MYO7B: variants seen among roughly 807,000 people sequenced by gnomAD.
MYO7B encodes unconventional myosin-VIIb.
In MYO7B, 212 loss-of-function variants were observed where a neutral mutation model predicts 259.7. The ratio of observed to expected loss-of-function variants is 0.82; its 90% confidence interval spans 0.73 to 0.91. MYO7B has a LOEUF of 0.91. Ranked by LOEUF, MYO7B falls within the 40% of genes least tolerant of loss-of-function variation. The pLI is 0.00. For missense variants in MYO7B, 2,732 were observed against 2,813.5 expected (o/e 0.97, Z 0.66); for synonymous variants, 1,197 against 1,166.4 (o/e 1.03, Z -0.54).
Position 127,637,056 on chromosome 2 carries a change from C to T in MYO7B, c.6327+143C>T, listed in dbSNP as rs1193206368. 2.9e-6 allele frequency: 4 copies of T among 1,391,166 alleles called. No individual in the cohort carries two copies. In the South Asian group the frequency reaches 3.7e-5, roughly 13 times the overall value. The allele number at this position is 1,391,166 out of a possible 1,614,324, so 86.2% of individuals were successfully genotyped here. A position where few individuals can be genotyped will look rare whatever the true frequency, so the allele number is the denominator to read the frequency against. On this transcript the variant is annotated intron_variant, in intron 47 of 47. Transcript: ENST00000409816. ...GCGGGGCCAGCAGATCTGGAGAGGG[C>T]CTGGGTGCATCCCCAGGACCAGCAG...
At position 127,580,789 on chromosome 2, in the gene MYO7B, GC is replaced by G; in HGVS notation, c.1050del (p.Ala351ProfsTer5). On this transcript the variant is annotated frameshift_variant, in exon 10 of 48. Coordinates refer to ENST00000409816, the MANE Select transcript of MYO7B (RefSeq NM_001393586.1). LOFTEE classifies it high-confidence loss of function. ...NLDASDVMETPAFPTVMKLLE... is the reference protein window; with the variant it reads ...NLDASDVMETXAFPTVMKLLE... ...TGGACGCCTCAGACGTGATGGAGAC[GC>G]CCGCCTTTCCCACCGTGATGAAGTT... 1 of 1,613,410 alleles carries G rather than the reference GC, an allele frequency of 6.2e-7. No homozygotes were observed. The highest frequency in any genetic ancestry group is 8.5e-7 in the Non-Finnish European group (1 of 1,179,708).
Position 127,635,187 on chromosome 2 carries a change from G to A in MYO7B, c.5781G>A (p.Gly1927=), listed in dbSNP as rs1681734373. 2 of 1,613,566 alleles carry A rather than the reference G, an allele frequency of 1.2e-6. No individual in the cohort carries two copies. The highest frequency in any genetic ancestry group is 1.1e-5 in the South Asian group (1 of 91,064). The change falls in exon 43 of 48, where the codon GGG becomes GGA. Residue 1927 remains glycine, a synonymous_variant. Transcript: ENST00000409816. ...MRKLWLNISP[G]KDVNADTILH... is the part of the protein sequence containing the mutation. ...AATTGTGGCTCAACATATCTCCAGGGAAGGATGTGAATGCAGACACCATAC... is the reference window on the plus strand; with the variant it reads ...AATTGTGGCTCAACATATCTCCAGGAAAGGATGTGAATGCAGACACCATAC...
At chr2:127,612,790 A>T (rs1037703549) in intron 26 of MYO7B, among the ~76,000 whole-genome samples, 187 bp downstream of exon 26, 1 of 152,270 alleles carries the variant, frequency 6.6e-6, no homozygotes, top group Non-Finnish European at 1.5e-5. Context: ...CTTTTAAAAA[A>T]GCCATGAGTA....
In MYO7B at chr2:127,569,834, G is replaced by A. The variant is rs1407219075; in HGVS notation, c.516G>A (p.Leu172=). Residue 172 remains leucine (L), a synonymous_variant, in exon 6 of 48, where the codon CTG becomes CTA. Coordinates refer to ENST00000409816, the MANE Select transcript of MYO7B (RefSeq NM_001393586.1). ...AGACGGAGACCACCAAGCTCATCCTGCAGTTCCTGGCCACCATCAGTGGCC... is the reference window on the plus strand; with the variant it reads ...AGACGGAGACCACCAAGCTCATCCTACAGTTCCTGGCCACCATCAGTGGCC... ...AGKTETTKLI[L]QFLATISGQH... 2 of 1,613,384 alleles carry A rather than the reference G, an allele frequency of 1.2e-6. No homozygotes were observed.
intron 5 of MYO7B, among the ~76,000 whole-genome samples, chr2:127,567,266 G>C (rs1215613962): frequency 6.6e-6 from 1 of 152,106 alleles, no homozygotes; most frequent in Admixed American, 6.5e-5. Flanking sequence ...AAAAGATATG[G>C]GACCCAGGTT....
intron 18 of MYO7B, among the ~76,000 whole-genome samples, chr2:127,595,419 G>C (rs555690804): frequency 2.0e-5 from 3 of 151,950 alleles, no homozygotes; most frequent in East Asian, 1.9e-4. Flanking sequence ...CAAAAAATCA[G>C]CTCCTGGATT....
rs776812959 is a variant in MYO7B, at chr2:127,546,794, A to C, written c.-24+10963A>C. 6.6e-6 allele frequency among the ~76,000 whole-genome samples: 1 copy of C among 151,680 alleles called. No homozygotes were observed. On this transcript the variant is annotated intron_variant, in intron 1 of 47. Coordinates refer to ENST00000409816, the MANE Select transcript of MYO7B (RefSeq NM_001393586.1). The surrounding 1 kb of genome is among the most constrained non-coding windows in gnomAD (Gnocchi z 4.2). ...CATCCATCCATCCATCCATCCATCC[A>C]TCCATCCATCAATCCATTCATCTGT...
chr2:127,536,190 G>A (rs1326917471), intron 1 of MYO7B, among the ~76,000 whole-genome samples: 3 of 152,176 alleles, frequency 2.0e-5, no homozygotes, highest in South Asian at 2.1e-4. Context: ...GGACATCATG[G>A]ATAGCCTGGG....
Position 127,607,202 on chromosome 2 carries a change from G to C in MYO7B, c.2425-4G>C. ...CTGATCTCACCTCTCTCTTGCCTCC[G>C]CAGATCCTCGTGGGCTTTGAGCGCC... On this transcript the variant is annotated splice_polypyrimidine_tract_variant and splice_region_variant and intron_variant, in intron 20 of 47. Transcript: ENST00000409816. This position sits in a 1 kb window ranked among gnomAD's most constrained non-coding sequence, Gnocchi z 4.4. 2 of 1,546,126 alleles carry C rather than the reference G, an allele frequency of 1.3e-6. No individual in the cohort carries two copies. Among genetic ancestry groups the C allele is most frequent in the Non-Finnish European group, 1.7e-6 (2 of 1,144,686 alleles).
rs1372295785 is a variant in MYO7B, at chr2:127,537,706, AGGG to A, written c.-24+1878_-24+1880del. Among the ~76,000 whole-genome samples the A allele has an allele frequency of 5.7e-3, 867 of 151,334 alleles. 9 individuals carry two copies. The highest frequency in any genetic ancestry group is 0.019 in the African/African-American group (777 of 41,278). On this transcript the variant is annotated intron_variant, in intron 1 of 47. Transcript: ENST00000409816. ...GAGGAAGAAGAAGAGGAGGAGGAGG[AGGG>A]GGAGGAGAAGGAGAAGGAGGAGGAG...
chr2:127,624,308 C>T lies in MYO7B; in HGVS notation c.4035C>T (p.Tyr1345=), dbSNP rs1680998427. ...TCCGAGGAGTCTGGTCTGGCGAGTACAGCTTCGAGAAGGTGAGGGGCCTGA... is the reference window on the plus strand; with the variant it reads ...TCCGAGGAGTCTGGTCTGGCGAGTATAGCTTCGAGAAGGTGAGGGGCCTGA... ...QVLRGVWSGE[Y]SFEKEEELVE... Residue 1345 remains tyrosine, a synonymous_variant, in exon 30 of 48, where the codon TAC becomes TAT. Transcript: ENST00000409816. 2 of 1,576,064 alleles carry T rather than the reference C, an allele frequency of 1.3e-6. No individual in the cohort carries two copies. Among genetic ancestry groups the T allele is most frequent in the African/African-American group, 1.4e-5 (1 of 73,964 alleles).
In MYO7B at chr2:127,596,515, G is replaced by A. The variant is rs770549677; in HGVS notation, c.2298G>A (p.Ala766=). The A allele has an allele frequency of 4.5e-5, 73 of 1,613,540 alleles. No homozygotes were observed. The highest frequency in any genetic ancestry group is 5.5e-5 in the South Asian group (5 of 90,954). Residue 766 remains alanine (A), a synonymous_variant, in exon 19 of 48, where the codon GCG becomes GCA. Coordinates refer to ENST00000409816, the MANE Select transcript of MYO7B (RefSeq NM_001393586.1). ...EVQRSQVLDR[A]ALSIQKVLRG... ...AGAGAAGCCAGGTGCTAGACAGAGC[G>A]GCGCTCAGCATCCAGAAAGTCCTTC...
At position 127,636,145 on chromosome 2, in the gene MYO7B, C is replaced by T; in HGVS notation, c.6007-63C>T. 1 of 1,382,550 alleles carries T rather than the reference C, an allele frequency of 7.2e-7. No individual in the cohort carries two copies. The highest frequency in any genetic ancestry group is 1.0e-6 in the Non-Finnish European group (1 of 982,452). The allele number at this position is 1,382,550 out of a possible 1,614,324, so 85.6% of individuals were successfully genotyped here. On this transcript the variant is annotated intron_variant, in intron 44 of 47. Transcript: ENST00000409816. The surrounding 1 kb of genome is among the most constrained non-coding windows in gnomAD (Gnocchi z 4.5). ...TAGCCCTGGGGTAGGCAGGTGCTGCCCCCACCAGGGCTTTGGAGGGCCTCT... is the reference window on the plus strand; with the variant it reads ...TAGCCCTGGGGTAGGCAGGTGCTGCTCCCACCAGGGCTTTGGAGGGCCTCT...
Position 127,585,407 on chromosome 2 carries a change from A to T in MYO7B, c.1690+494A>T, listed in dbSNP as rs1198650575. ...TTTCAAGGTTCATCTATGTTGTAGTACGTGTCAGTGCTCCATGTCTTTTTA... is the reference window on the plus strand; with the variant it reads ...TTTCAAGGTTCATCTATGTTGTAGTTCGTGTCAGTGCTCCATGTCTTTTTA... On this transcript the variant is annotated intron_variant, in intron 14 of 47. Coordinates refer to ENST00000409816, the MANE Select transcript of MYO7B (RefSeq NM_001393586.1). This position sits in a 1 kb window ranked among gnomAD's most constrained non-coding sequence, Gnocchi z 4.3. 6.6e-6 allele frequency among the ~76,000 whole-genome samples: 1 copy of T among 152,210 alleles called. No homozygotes were observed. Among genetic ancestry groups the T allele is most frequent in the African/African-American group, 2.4e-5 (1 of 41,436 alleles).
chr2:127,573,442 C>G (rs979979147), intron 6 of MYO7B, among the ~76,000 whole-genome samples: 1 of 152,220 alleles, frequency 6.6e-6, no homozygotes, highest in Admixed American at 6.5e-5. Context: ...CCTGGACACG[C>G]TGTTGGCACT....
intron 12 of MYO7B, among the ~76,000 whole-genome samples, chr2:127,583,565 GAC>G (rs1302435314): frequency 6.6e-6 from 1 of 152,232 alleles, no homozygotes; most frequent in Non-Finnish European, 1.5e-5. Flanking sequence ...GAGGGACAGA[GAC>G]AGAAACTCCT....
Position 127,609,694 on chromosome 2 carries a change from C to T in MYO7B, c.3003C>T (p.His1001=), listed in dbSNP as rs776533482. The change falls in exon 23 of 48, where the codon CAC becomes CAT. Residue 1001 remains histidine (H), a synonymous_variant. Coordinates refer to ENST00000409816, the MANE Select transcript of MYO7B (RefSeq NM_001393586.1). The surrounding 1 kb of genome is among the most constrained non-coding windows in gnomAD (Gnocchi z 6.9). The part of the protein sequence containing the change: ...RRPLRYPLLY[H]EDDTDCLAAL... ...CCCTCCGATACCCGTTGCTTTACCA[C>T]GAAGATGACACTGACTGCTTGGTAC... 22 of 1,613,952 alleles carry T rather than the reference C, an allele frequency of 1.4e-5. No individual in the cohort carries two copies. Among genetic ancestry groups the T allele is most frequent in the African/African-American group, 1.1e-4 (8 of 75,036 alleles).
chr2:127,566,652 G>A lies in MYO7B; in HGVS notation c.295G>A (p.Gly99Ser). The A allele has an allele frequency of 6.3e-7, 1 of 1,588,196 alleles. No individual in the cohort carries two copies. Among genetic ancestry groups the A allele is most frequent in the African/African-American group, 1.3e-5 (1 of 74,568 alleles). ...CCTGCTTCCTTCCCAGACATACACA[G>A]GCTCCATCCTGGTGGCCGTCAACCC... ...YQQHKIYTYT[G>S]SILVAVNPFQ... Residue 99 changes from glycine to serine, a missense_variant, in exon 5 of 48, where the codon GGC (glycine) becomes AGC (serine). Gly to Ser is a moderately conservative substitution (Grantham distance 56, BLOSUM62 0). This residue lies in a region of MYO7B where 1,906 missense variants were observed against 2,026.4 expected (regional missense o/e 0.94). Transcript: ENST00000409816.
At chr2:127,571,029 G>T (rs77028244) in intron 6 of MYO7B, among the ~76,000 whole-genome samples, 2,346 of 152,302 alleles carry the variant, frequency 0.015, 59 homozygotes, top group African/African-American at 0.053. Context: ...GCTGCTAGGA[G>T]TAAAACCTCT....
Sources: gnomAD v4.1 joint callset for allele counts (sites outside exome capture counted in the v4.1 genomes callset) on GRCh38, gnomAD v4.1.1 for gene constraint, gnomAD v4.1.1 regional missense constraint, Gnocchi (gnomAD v3.1) non-coding constraint, MANE v1.5 for transcripts, NCBI Gene and HGNC (gene_info 2026-07-23, HGNC 2026-07-21) for gene names.